Variants in ASAP1 observed in about 807,000 individuals in gnomAD.
The protein encoded by ASAP1 is arf-GAP with SH3 domain, ANK repeat and PH domain-containing protein 1.
A neutral mutation model predicts 145.2 loss-of-function variants in ASAP1; 43 were observed. That is an observed-to-expected ratio of 0.30 (90% CI 0.23 to 0.38). ASAP1 has a LOEUF of 0.38. Among genes scored for constraint, ASAP1 ranks in the 10% least tolerant of loss-of-function variants. The pLI is 1.00. For missense variants in ASAP1, 1,018 were observed against 1,355.3 expected (o/e 0.75, Z 3.91); for synonymous variants, 546 against 515.5 (o/e 1.06, Z -0.80).
intron 1 of ASAP1, among the ~76,000 whole-genome samples, chr8:130,435,655 A>C (rs1253784600): frequency 1.3e-5 from 2 of 152,228 alleles, no homozygotes; most frequent in African/African-American, 4.8e-5. Flanking sequence ...GGTGTCTCCC[A>C]GAATTAGAGG....
At position 130,253,093 on chromosome 8, in the gene ASAP1, T is replaced by A. The variant is rs550481444; in HGVS notation, c.187-16099A>T. Among the ~76,000 whole-genome samples the A allele has an allele frequency of 2.0e-5, 3 of 152,264 alleles. No individual in the cohort carries two copies. In the East Asian group the frequency reaches 5.8e-4, roughly 29 times the overall value. Reference sequence around the variant, plus strand: ...ATGGCTCACAGTCATTCAGGCTTAGTTACACAATTTTTGTCTGAGATGGAG... The same window carrying A: ...ATGGCTCACAGTCATTCAGGCTTAGATACACAATTTTTGTCTGAGATGGAG... On this transcript the variant is annotated intron_variant, in intron 3 of 29. Coordinates refer to ENST00000518721, the MANE Select transcript of ASAP1 (RefSeq NM_018482.4).
At chr8:130,141,754 G>C (rs1289086910) in intron 13 of ASAP1, among the ~76,000 whole-genome samples, 1 of 152,078 alleles carries the variant, frequency 6.6e-6, no homozygotes, top group Non-Finnish European at 1.5e-5. Context: ...ATTTCACTCT[G>C]TTGCCCAGGC....
intron 3 of ASAP1, among the ~76,000 whole-genome samples, chr8:130,294,507 A>C (rs1445303830): frequency 2.0e-5 from 3 of 152,236 alleles, no homozygotes. Context: ...AGTGACCTTT[A>C]ACTCTCTCTG....
chr8:130,054,531 C>T lies in ASAP1; in HGVS notation c.*200G>A, dbSNP rs536638143. 9 of 495,890 alleles carry T rather than the reference C, an allele frequency of 1.8e-5. 1 individual carries two copies. The highest frequency in any genetic ancestry group is 4.5e-5 in the South Asian group (2 of 44,748). 30.7% of individuals were successfully genotyped at this position (495,890 alleles called of 1,614,324 possible). ...GCTTTGGCAAACCAGTAAGGCGCGC[C>T]GGGTCCGAGGCTACCCTCATACTGG... On this transcript the variant is annotated 3_prime_UTR_variant, in exon 30 of 30. Coordinates refer to ENST00000518721, the MANE Select transcript of ASAP1 (RefSeq NM_018482.4).
chr8:130,349,568 C>T lies in ASAP1; in HGVS notation c.186+8449G>A, dbSNP rs114675957. On this transcript the variant is annotated intron_variant, in intron 3 of 29. Coordinates refer to ENST00000518721, the MANE Select transcript of ASAP1 (RefSeq NM_018482.4). ...GGCTCAGTAACTTGCCCAACACACG[C>T]TAGAAGTAATAGGGATACAATTAAC... Among the ~76,000 whole-genome samples the T allele has an allele frequency of 3.0e-3, 460 of 152,318 alleles. 2 individuals carry two copies. Among genetic ancestry groups the T allele is most frequent in the African/African-American group, 0.011 (442 of 41,570 alleles).
chr8:130,274,600 G>A (rs1331690738), intron 3 of ASAP1, among the ~76,000 whole-genome samples: 1 of 152,242 alleles, frequency 6.6e-6, no homozygotes, highest in Admixed American at 6.5e-5. Context: ...TCTCACTATC[G>A]CATTCATTGT....
intron 5 of ASAP1, among the ~76,000 whole-genome samples, chr8:130,188,742 A>G (rs1013733575): frequency 2.0e-5 from 3 of 149,782 alleles, no homozygotes; most frequent in East Asian, 2.0e-4. Context: ...AAAAAAAAAA[A>G]AAAGAAAAGA....
intron 24 of ASAP1, among the ~76,000 whole-genome samples, chr8:130,102,938 G>C (rs2090275450): frequency 6.6e-6 from 1 of 152,178 alleles, no homozygotes; most frequent in Non-Finnish European, 1.5e-5. Context: ...TGAGCCTCCT[G>C]ACTTGGCCTC....
At chr8:130,162,059 C>T (rs1025812123) in intron 11 of ASAP1, among the ~76,000 whole-genome samples, 5 of 152,148 alleles carry the variant, frequency 3.3e-5, no homozygotes, top group Admixed American at 6.5e-5. Flanking sequence ...TTTGGCCTTC[C>T]GAGGTGCTGG....
chr8:130,428,842 G>A (rs1830042150), intron 1 of ASAP1, among the ~76,000 whole-genome samples: 1 of 151,974 alleles, frequency 6.6e-6, no homozygotes, highest in Non-Finnish European at 1.5e-5. Flanking sequence ...TAATTTTCTA[G>A]GGCTGTCATT....
chr8:130,339,421 T>C (rs1472535115), intron 3 of ASAP1, among the ~76,000 whole-genome samples: 1 of 152,130 alleles, frequency 6.6e-6, no homozygotes, highest in Non-Finnish European at 1.5e-5. Context: ...AATTTACAAG[T>C]ATCCTTGAGT....
Position 130,271,363 on chromosome 8 carries a change from C to G in ASAP1, c.187-34369G>C, listed in dbSNP as rs549037611. On this transcript the variant is annotated intron_variant, in intron 3 of 29. Transcript: ENST00000518721. ...ATTATTCTGATGTGCTATTAAGACACTGCACTGCTTGTAGGCCACACAGTT... is the reference window on the plus strand; with the variant it reads ...ATTATTCTGATGTGCTATTAAGACAGTGCACTGCTTGTAGGCCACACAGTT... Among the ~76,000 whole-genome samples, 16 of 152,330 alleles carry G rather than the reference C, an allele frequency of 1.1e-4. No individual in the cohort carries two copies. The South Asian group carries it at 3.1e-3, about 30-fold the overall frequency.
chr8:130,332,306 T>C (rs1322896869), intron 3 of ASAP1, among the ~76,000 whole-genome samples: 1 of 152,196 alleles, frequency 6.6e-6, no homozygotes, highest in Non-Finnish European at 1.5e-5. Context: ...GAAAACTCTG[T>C]CTTTTTTCCT....
At chr8:130,278,900 G>A (rs1440608791) in intron 3 of ASAP1, among the ~76,000 whole-genome samples, 1 of 152,128 alleles carries the variant, frequency 6.6e-6, no homozygotes, top group South Asian at 2.1e-4. Flanking sequence ...ATTAGAGAGT[G>A]TTAGGCATGT....
chr8:130,284,706 G>A (rs1821489506), intron 3 of ASAP1, among the ~76,000 whole-genome samples: 1 of 151,974 alleles, frequency 6.6e-6, no homozygotes, highest in South Asian at 2.1e-4. Context: ...CAGCTGTTAA[G>A]TTTATCTCTG....
intron 2 of ASAP1, among the ~76,000 whole-genome samples, chr8:130,383,736 G>A (rs1196799383): frequency 6.6e-6 from 1 of 152,188 alleles, no homozygotes; most frequent in Non-Finnish European, 1.5e-5. Flanking sequence ...AGAAGACAGA[G>A]GCCTGACCAC....
chr8:130,367,757 G>A (rs543145347), intron 2 of ASAP1, among the ~76,000 whole-genome samples: 12 of 152,294 alleles, frequency 7.9e-5, no homozygotes, highest in African/African-American at 2.9e-4. Flanking sequence ...AGAACTGTCT[G>A]GAGGTCTTCC....
intron 1 of ASAP1, among the ~76,000 whole-genome samples, chr8:130,440,941 T>C (rs1282063725): frequency 6.6e-6 from 1 of 152,226 alleles, no homozygotes; most frequent in Non-Finnish European, 1.5e-5. Flanking sequence ...TTGTTTCTTC[T>C]GCTTCTTCCT....
chr8:130,088,784 T>C (rs1426662198), intron 25 of ASAP1, among the ~76,000 whole-genome samples: 1 of 152,200 alleles, frequency 6.6e-6, no homozygotes, highest in Non-Finnish European at 1.5e-5. Flanking sequence ...ACAGTAGCTA[T>C]CATTTATTGG....
Sources: allele counts gnomAD v4.1 joint callset (sites outside exome capture counted in the v4.1 genomes callset), GRCh38; gene constraint gnomAD v4.1.1; transcripts MANE v1.5; gene names NCBI Gene and HGNC (gene_info 2026-07-23, HGNC 2026-07-21).